Variants in ADGRL4 observed in about 807,000 individuals in gnomAD.
The protein encoded by ADGRL4 is EGF, latrophilin and seven transmembrane domain containing 1.
In ADGRL4, 90 loss-of-function variants were observed where a neutral mutation model predicts 74.8. The ratio of observed to expected loss-of-function variants is 1.20; its 90% CI spans 1.02 to 1.43. ADGRL4 has a LOEUF of 1.43. Ranked by LOEUF, ADGRL4 falls within the 40% of genes most tolerant of loss-of-function variation. The pLI is 0.00. For missense variants in ADGRL4, 881 were observed against 814.3 expected, an observed-to-expected ratio of 1.08 and a Z score of -1.00; for synonymous variants, 311 against 279.2, an observed-to-expected ratio of 1.11 and a Z score of -1.14.
intron 2 of ADGRL4, among the ~76,000 whole-genome samples, chr1:78,967,943 T>C (rs1187201909): frequency 1.3e-5 from 2 of 151,298 alleles, no homozygotes; most frequent in Non-Finnish European, 2.9e-5. Flanking sequence ...GCTCCAAAAT[T>C]GTCTTTCTTG....
chr1:78,969,538 G>C (rs1272474671), intron 2 of ADGRL4, among the ~76,000 whole-genome samples: 5 of 152,144 alleles, frequency 3.3e-5, no homozygotes, highest in Non-Finnish European at 5.9e-5. Context: ...GCTGGGCTCG[G>C]CTTTAAAAGG....
intron 2 of ADGRL4, among the ~76,000 whole-genome samples, chr1:78,989,104 A>C (rs530432725): frequency 4.0e-5 from 6 of 151,792 alleles, no homozygotes; most frequent in African/African-American, 1.2e-4. Context: ...ACACTTATTC[A>C]ATTTCTGTGT....
Position 78,917,922 on chromosome 1 carries a change from G to C in ADGRL4, c.1590C>G (p.His530Gln). The C allele has an allele frequency of 6.2e-7, 1 of 1,612,632 alleles. No individual in the cohort carries two copies. Among genetic ancestry groups the C allele is most frequent in the Non-Finnish European group, 8.5e-7 (1 of 1,179,146 alleles). Residue 530 changes from histidine (H) to glutamine (Q), a missense_variant, in exon 11 of 15, where the codon CAC becomes CAG. Coordinates refer to ENST00000370742, the MANE Select transcript of ADGRL4 (RefSeq NM_022159.4). ...GATAGCCAAAGATATAAAAATTCTT[G>C]TGCAAAAATCCCTTGTTGTAGATGA... Reference protein sequence around the residue: ...VGVIYNKGFLHKNFYIFGYLS... With the variant: ...VGVIYNKGFLQKNFYIFGYLS...
rs1164387152 is a variant in ADGRL4, at chr1:78,936,345, C to G, written c.827G>C (p.Gly276Ala). 2.5e-6 allele frequency: 4 copies of G among 1,593,082 alleles called. No homozygotes were observed. In the East Asian group the frequency reaches 9.1e-5, roughly 36 times the overall value. The change falls in exon 7 of 15, where the codon GGA (glycine) becomes GCA (alanine). Residue 276 changes from glycine (G) to alanine (A), a missense_variant. Coordinates refer to ENST00000370742, the MANE Select transcript of ADGRL4 (RefSeq NM_022159.4). ...KHIHPHMNMD[G>A]DYINIFPKRK... is the part of the protein sequence containing the mutation. ...CTTTGGAAATATATTTATGTAGTCT[C>G]CATCCATATTCATATGAGGATGAAT...
intron 2 of ADGRL4, among the ~76,000 whole-genome samples, chr1:78,980,990 G>T (rs888318671): frequency 6.6e-6 from 1 of 151,916 alleles, no homozygotes; most frequent in Non-Finnish European, 1.5e-5. Flanking sequence ...CCAGACATTT[G>T]TGCAGTGTAG....
Position 78,913,877 on chromosome 1 carries a change from G to T in ADGRL4, c.1749+3757C>A, listed in dbSNP as rs188797926. Among the ~76,000 whole-genome samples, 3 of 151,868 alleles carry T rather than the reference G, an allele frequency of 2.0e-5. No homozygotes were observed. The East Asian group carries it at 5.8e-4, about 29-fold the overall frequency. ...TCCTAGTGAGGGATAGCAAGGCCCCGACTATAAACATGGAGGAGAGTAAAT... is the reference window on the plus strand; with the variant it reads ...TCCTAGTGAGGGATAGCAAGGCCCCTACTATAAACATGGAGGAGAGTAAAT... On this transcript the variant is annotated intron_variant, in intron 12 of 14. Transcript: ENST00000370742.
chr1:78,992,537 T>C (rs909890788), intron 2 of ADGRL4, among the ~76,000 whole-genome samples: 7 of 152,110 alleles, frequency 4.6e-5, no homozygotes, highest in South Asian at 2.1e-4. Context: ...TTGTTCCCTA[T>C]AGTCCAACAG....
At chr1:78,965,614 G>GT (rs1293072960) in intron 2 of ADGRL4, among the ~76,000 whole-genome samples, 1 of 152,148 alleles carries the variant, frequency 6.6e-6, no homozygotes, top group Non-Finnish European at 1.5e-5. Context: ...ACAAGAGATT[G>GT]TAAGTGTTAA....
chr1:78,893,090 G>T lies in ADGRL4; in HGVS notation c.1841+8C>A, dbSNP rs373248718. On this transcript the variant is annotated splice_region_variant and intron_variant, in intron 13 of 14. Coordinates refer to ENST00000370742, the MANE Select transcript of ADGRL4 (RefSeq NM_022159.4). Reference sequence around the variant, plus strand: ...AAAAAAAAAAAGTGAACTTAAAGACGCATTTACCTTATGTTCTCAAAGCAA... The same window carrying T: ...AAAAAAAAAAAGTGAACTTAAAGACTCATTTACCTTATGTTCTCAAAGCAA... 3.6e-6 allele frequency: 5 copies of T among 1,401,970 alleles called. No homozygotes were observed. The highest frequency in any genetic ancestry group is 2.4e-5 in the Admixed American group (1 of 41,668). 86.8% of individuals were successfully genotyped at this position (1,401,970 alleles called of 1,614,324 possible).
chr1:79,005,983 T>G (rs2100747194), intron 1 of ADGRL4, among the ~76,000 whole-genome samples: 1 of 152,240 alleles, frequency 6.6e-6, no homozygotes, highest in Admixed American at 6.5e-5. Context: ...GTTATTGAAA[T>G]ACATTTGGAA....
At chr1:78,897,382 C>T (rs11162573) in intron 12 of ADGRL4, among the ~76,000 whole-genome samples, 9,461 of 152,216 alleles carry the variant, frequency 0.062, 325 homozygotes, top group South Asian at 0.097. Flanking sequence ...CTTCAACTCA[C>T]ATCCTTGATA....
chr1:78,962,620 A>G (rs890734114), intron 2 of ADGRL4, among the ~76,000 whole-genome samples: 9 of 152,270 alleles, frequency 5.9e-5, no homozygotes, highest in East Asian at 1.9e-4. Context: ...GATATTTTCC[A>G]TAAGTCATCA....
chr1:78,978,478 A>G (rs1047581863), intron 2 of ADGRL4, among the ~76,000 whole-genome samples: 3 of 151,948 alleles, frequency 2.0e-5, no homozygotes, highest in African/African-American at 7.2e-5. Context: ...TCAATAGTCA[A>G]TGTTTCAGTT....
Position 78,947,888 on chromosome 1 carries a change from A to G in ADGRL4, c.173-1462T>C, listed in dbSNP as rs534963557. Among the ~76,000 whole-genome samples, 4 of 152,260 alleles carry G rather than the reference A, an allele frequency of 2.6e-5. No individual in the cohort carries two copies. In the East Asian group the frequency reaches 7.7e-4, roughly 29 times the overall value. On this transcript the variant is annotated intron_variant, in intron 2 of 14. Transcript: ENST00000370742. ...AGGCTTAATTTCTTTTTAAAGGGTG[A>G]GTTGTGTAGCATTTAATTCATATAC...
At position 78,957,187 on chromosome 1, in the gene ADGRL4, C is replaced by T. The variant is rs568044792; in HGVS notation, c.173-10761G>A. Among the ~76,000 whole-genome samples, 3 of 152,256 alleles carry T rather than the reference C, an allele frequency of 2.0e-5. No individual in the cohort carries two copies. The East Asian group carries it at 5.8e-4, about 29-fold the overall frequency. ...TCAGTCTCTCCATTGCTCAGCCCTC[C>T]CTATTTCCTGAGACACAATAATACT... On this transcript the variant is annotated intron_variant, in intron 2 of 14. Transcript: ENST00000370742.
chr1:78,910,792 C>T (rs980472238), intron 12 of ADGRL4, among the ~76,000 whole-genome samples: 2 of 151,674 alleles, frequency 1.3e-5, no homozygotes, highest in South Asian at 4.1e-4. Flanking sequence ...CAAGACTAGG[C>T]CTTTTCAAGT....
intron 3 of ADGRL4, among the ~76,000 whole-genome samples, chr1:78,945,534 G>C (rs1224541744): frequency 6.6e-6 from 1 of 151,994 alleles, no homozygotes; most frequent in Non-Finnish European, 1.5e-5. Context: ...TTCATCTGTT[G>C]AAGTTTATAA....
intron 12 of ADGRL4, among the ~76,000 whole-genome samples, chr1:78,917,074 G>T (rs899402689): frequency 6.6e-6 from 1 of 151,806 alleles, no homozygotes; most frequent in African/African-American, 2.4e-5. Flanking sequence ...GAAATAGTGG[G>T]TTCTTGTCTC....
chr1:78,896,597 T>C (rs541410947), intron 12 of ADGRL4, among the ~76,000 whole-genome samples: 1 of 152,110 alleles, frequency 6.6e-6, no homozygotes, highest in African/African-American at 2.4e-5. Flanking sequence ...ACAGACACTA[T>C]CCTGAAACGG....
Sources: allele counts gnomAD v4.1 joint callset (sites outside exome capture counted in the v4.1 genomes callset), GRCh38; gene constraint gnomAD v4.1.1; transcripts MANE v1.5; gene names NCBI Gene and HGNC (gene_info 2026-07-23, HGNC 2026-07-21).